The following KDM2A variants were observed in gnomAD, a reference collection of about 807,000 sequenced individuals.
The protein encoded by KDM2A is lysine demethylase 2A.
A neutral mutation model predicts 137.3 loss-of-function variants in KDM2A; 3 were observed. That is an observed-to-expected ratio of 0.02 (90% CI 0.01 to 0.06). The LOEUF is 0.06. Ranked by LOEUF, KDM2A falls within the 10% of genes least tolerant of loss-of-function variation. The pLI is 1.00. For synonymous variants in KDM2A, 512 were observed against 541.5 expected, an observed-to-expected ratio of 0.95 and a Z score of 0.76; for missense variants, 738 against 1,510.6, an observed-to-expected ratio of 0.49 and a Z score of 8.48.
At chr11:67,246,718 GA>G in intron 15 of KDM2A, among the ~76,000 whole-genome samples, 1 of 152,196 alleles carries the variant, frequency 6.6e-6, no homozygotes, top group East Asian at 1.9e-4. Flanking sequence ...GGCCTTCTTA[GA>G]AAGTATCAGC....
At chr11:67,131,392 C>A (rs945321195) in intron 2 of KDM2A, among the ~76,000 whole-genome samples, 1 of 150,794 alleles carries the variant, frequency 6.6e-6, no homozygotes, top group Non-Finnish European at 1.5e-5. Context: ...TCTTTTGAGG[C>A]TACTTTAGTG....
In KDM2A at chr11:67,245,522, A is replaced by G. The variant is rs1368700427; in HGVS notation, c.1833+64A>G. 1.9e-6 allele frequency: 3 copies of G among 1,556,458 alleles called. No individual in the cohort carries two copies. The highest frequency in any genetic ancestry group is 2.3e-5 in the South Asian group (2 of 88,364). ...GGCAGTGCCAAAGGAACTGAAATAC[A>G]TATAGTGTAGAGTTAAAGAGACTTC... On this transcript the variant is annotated intron_variant, in intron 14 of 20. Coordinates refer to ENST00000529006, the MANE Select transcript of KDM2A (RefSeq NM_012308.3). This position sits in a 1 kb window ranked among gnomAD's most constrained non-coding sequence, Gnocchi z 4.1.
intron 6 of KDM2A, among the ~76,000 whole-genome samples, chr11:67,212,230 G>A (rs957895491): frequency 6.6e-6 from 1 of 152,190 alleles, no homozygotes; most frequent in Non-Finnish European, 1.5e-5. Flanking sequence ...CTCTTTGGAG[G>A]AAGTGGTGCC....
intron 2 of KDM2A, among the ~76,000 whole-genome samples, chr11:67,166,948 C>T (rs1418214878): frequency 6.6e-6 from 1 of 151,566 alleles, no homozygotes; most frequent in African/African-American, 2.4e-5. Context: ...CGTGGTGGTG[C>T]ACGCCTGTAA....
chr11:67,216,016 T>C (rs899764353), intron 8 of KDM2A, 67 bp downstream of exon 8: 1 of 1,054,708 alleles, frequency 9.5e-7, no homozygotes, highest in East Asian at 2.4e-5. Context: ...TCAGTTCATG[T>C]ATACTTAATA....
intron 10 of KDM2A, among the ~76,000 whole-genome samples, chr11:67,227,256 A>G (rs1450675178): frequency 6.6e-6 from 1 of 152,180 alleles, no homozygotes; most frequent in Non-Finnish European, 1.5e-5. Context: ...GAAAATACCC[A>G]ACCTGGTGCC....
chr11:67,126,204 C>T (rs1855726448), intron 2 of KDM2A, among the ~76,000 whole-genome samples: 1 of 150,970 alleles, frequency 6.6e-6, no homozygotes, highest in Admixed American at 6.6e-5. Flanking sequence ...TGAGATCATG[C>T]CGTTGCACTC....
chr11:67,224,123 G>T (rs1243459178), intron 10 of KDM2A, among the ~76,000 whole-genome samples: 2 of 152,146 alleles, frequency 1.3e-5, no homozygotes, highest in Non-Finnish European at 2.9e-5. Context: ...CCTGTGGCCT[G>T]GTGAAGGTTT....
intron 2 of KDM2A, among the ~76,000 whole-genome samples, chr11:67,122,887 G>A (rs1027452510): frequency 6.6e-6 from 1 of 151,448 alleles, no homozygotes; most frequent in Admixed American, 6.6e-5. Flanking sequence ...GTGTTAGCCA[G>A]GATGGTCTCG....
chr11:67,248,665 G>T (rs1859320927), intron 16 of KDM2A: 1 of 334,508 alleles, frequency 3.0e-6, no homozygotes, highest in Admixed American at 4.7e-5. Context: ...GCTATTTGAG[G>T]AGAGAAATTA....
chr11:67,237,443 TATTATTATTATTATC>T (rs1219033902), intron 12 of KDM2A, among the ~76,000 whole-genome samples: 12 of 142,824 alleles, frequency 8.4e-5, no homozygotes, highest in South Asian at 2.2e-4. Context: ...AATTTTTCTT[TATTATTATTATTATC>T]ATTATTATTA....
intron 10 of KDM2A, among the ~76,000 whole-genome samples, chr11:67,223,302 G>C (rs1308281767): frequency 6.6e-6 from 1 of 151,934 alleles, no homozygotes; most frequent in Non-Finnish European, 1.5e-5. Context: ...GGTATCTCTT[G>C]GCTATAATTA....
intron 2 of KDM2A, among the ~76,000 whole-genome samples, chr11:67,154,290 G>A (rs1856467321): frequency 6.6e-6 from 1 of 152,118 alleles, no homozygotes; most frequent in African/African-American, 2.4e-5. Context: ...TTAAATTGAG[G>A]TAAAATTTGT....
chr11:67,222,145 A>T (rs2136407150), intron 10 of KDM2A, among the ~76,000 whole-genome samples: 1 of 106,318 alleles, frequency 9.4e-6, no homozygotes, highest in African/African-American at 3.7e-5. Flanking sequence ...GGGTCATGGG[A>T]CAATAGTGGA....
chr11:67,189,856 C>T (rs941167917), intron 5 of KDM2A, among the ~76,000 whole-genome samples: 3 of 152,000 alleles, frequency 2.0e-5, no homozygotes, highest in Non-Finnish European at 4.4e-5. Flanking sequence ...AAACAAACAC[C>T]AGTCTCTTTA....
intron 2 of KDM2A, among the ~76,000 whole-genome samples, chr11:67,129,066 G>C (rs1855793306): frequency 6.6e-6 from 1 of 152,208 alleles, no homozygotes; most frequent in Admixed American, 6.5e-5. Flanking sequence ...TTGGGCTACA[G>C]AGCAAGACCC....
chr11:67,236,773 A>G (rs926302452), intron 12 of KDM2A, among the ~76,000 whole-genome samples: 4 of 152,250 alleles, frequency 2.6e-5, no homozygotes, highest in Non-Finnish European at 5.9e-5. Context: ...ACAGCCAGAA[A>G]AAAGTTAGAT....
chr11:67,184,813 G>A (rs1174850028), intron 5 of KDM2A, among the ~76,000 whole-genome samples: 1 of 152,110 alleles, frequency 6.6e-6, no homozygotes, highest in Admixed American at 6.6e-5. Flanking sequence ...ATTGATCCTT[G>A]ACACAGAGAT....
In KDM2A at chr11:67,245,865, T is replaced by A; in HGVS notation, c.1834-120T>A. ...CTCCGTTCTCTCCACCCTGCCTCCATGCTTCCAGGTGTTTAGTAGAGAATT... is the reference window on the plus strand; with the variant it reads ...CTCCGTTCTCTCCACCCTGCCTCCAAGCTTCCAGGTGTTTAGTAGAGAATT... On this transcript the variant is annotated intron_variant, in intron 14 of 20. Transcript: ENST00000529006. The surrounding 1 kb of genome is among the most constrained non-coding windows in gnomAD (Gnocchi z 4.1). 8.4e-7 allele frequency: 1 copy of A among 1,194,272 alleles called. No homozygotes were observed. The highest frequency in any genetic ancestry group is 1.5e-5 in the African/African-American group (1 of 65,528). 74.0% of individuals were successfully genotyped at this position (1,194,272 alleles called of 1,614,324 possible).
Sources: allele counts gnomAD v4.1 joint callset (sites outside exome capture counted in the v4.1 genomes callset), GRCh38; gene constraint gnomAD v4.1.1; non-coding constraint Gnocchi (gnomAD v3.1); transcripts MANE v1.5; gene names NCBI Gene and HGNC (gene_info 2026-07-23, HGNC 2026-07-21).